Variants in MED12L observed in about 807,000 individuals in gnomAD.
The protein encoded by MED12L is mediator complex subunit 12L.
Under a neutral mutation model 281.3 loss-of-function variants are expected in MED12L, and 60 were observed. The ratio of observed to expected loss-of-function variants is 0.21; its 90% CI spans 0.17 to 0.26. The LOEUF is 0.26. MED12L is among the 10% of genes least tolerant of loss of function. MED12L has a pLI of 1.00. For synonymous variants in MED12L, 974 were observed against 987.2 expected (o/e 0.99, Z 0.25); for missense variants, 2,146 against 2,680.9 (o/e 0.80, Z 4.41).
chr3:151,124,980 A>C (rs1271649806), intron 4 of MED12L, among the ~76,000 whole-genome samples: 1 of 151,884 alleles, frequency 6.6e-6, no homozygotes, highest in Non-Finnish European at 1.5e-5. Flanking sequence ...ATCCAAGGAG[A>C]AAGGTGATAG....
At chr3:151,160,935 C>T (rs1364686253) in intron 8 of MED12L, among the ~76,000 whole-genome samples, 1 of 152,194 alleles carries the variant, frequency 6.6e-6, no homozygotes, top group Non-Finnish European at 1.5e-5. Context: ...GTAAAAGTTT[C>T]CTGGCAGGGG....
chr3:151,417,334 A>G (rs954110009), intron 43 of MED12L, among the ~76,000 whole-genome samples: 1 of 152,136 alleles, frequency 6.6e-6, no homozygotes, highest in Non-Finnish European at 1.5e-5. Context: ...TAGAGATAGT[A>G]CATGTGGAGG....
intron 2 of MED12L, among the ~76,000 whole-genome samples, chr3:151,095,642 G>T (rs1002023759): frequency 6.6e-6 from 1 of 152,220 alleles, no homozygotes; most frequent in African/African-American, 2.4e-5. Flanking sequence ...CTACCACCGG[G>T]TGTAGTTATA....
chr3:151,430,156 T>G (rs1205454541), intron 43 of MED12L, 143 bp from the exon 44 acceptor site: 7 of 1,212,626 alleles, frequency 5.8e-6, no homozygotes, highest in Non-Finnish European at 7.9e-6. Flanking sequence ...AGATGAAAAT[T>G]AATCCACACA....
chr3:151,305,655 A>G (rs1440323907), intron 16 of MED12L, among the ~76,000 whole-genome samples: 1 of 152,048 alleles, frequency 6.6e-6, no homozygotes, highest in Non-Finnish European at 1.5e-5. Context: ...TATCAAATAC[A>G]ATAGAAACTG....
chr3:151,217,868 T>A (rs1313632759), intron 16 of MED12L, among the ~76,000 whole-genome samples: 2 of 152,112 alleles, frequency 1.3e-5, no homozygotes, highest in African/African-American at 4.8e-5. Flanking sequence ...GCCTTTTCTG[T>A]AGGGCAGATC....
At chr3:151,153,332 C>G (rs769460473) in intron 5 of MED12L, among the ~76,000 whole-genome samples, 1 of 152,160 alleles carries the variant, frequency 6.6e-6, no homozygotes, top group Non-Finnish European at 1.5e-5. Context: ...TCACACCACT[C>G]TCAGTAACAT....
chr3:151,229,473 ATTTTTT>A (rs59434401), intron 16 of MED12L, among the ~76,000 whole-genome samples: 3 of 90,122 alleles, frequency 3.3e-5, no homozygotes, highest in Non-Finnish European at 6.3e-5. Flanking sequence ...TGCCCGGCTA[ATTTTTT>A]TTTTTTTTTT....
chr3:151,346,513 C>A (rs1297190291), intron 16 of MED12L, among the ~76,000 whole-genome samples: 1 of 152,132 alleles, frequency 6.6e-6, no homozygotes, highest in Non-Finnish European at 1.5e-5. Flanking sequence ...ACTTCTTCTC[C>A]TTTGAGGTTC....
At chr3:151,379,519 T>A (rs1711853345) in intron 31 of MED12L, among the ~76,000 whole-genome samples, 1 of 152,220 alleles carries the variant, frequency 6.6e-6, no homozygotes, top group African/African-American at 2.4e-5. Context: ...GCGGGCTATG[T>A]TGGAGCCTGT....
intron 17 of MED12L, among the ~76,000 whole-genome samples, chr3:151,351,558 T>C (rs896316838): frequency 6.6e-5 from 10 of 152,214 alleles, no homozygotes; most frequent in South Asian, 6.2e-4. Context: ...TCTGTTGTTT[T>C]GGTGTTTTCT....
At chr3:151,184,597 C>T (rs1055649476) in intron 11 of MED12L, among the ~76,000 whole-genome samples, 5 of 152,266 alleles carry the variant, frequency 3.3e-5, no homozygotes, top group South Asian at 2.1e-4. Context: ...CCCCTATCCG[C>T]GACTCATGTC....
chr3:151,415,261 A>T (rs1037404021), intron 42 of MED12L, among the ~76,000 whole-genome samples: 2 of 152,160 alleles, frequency 1.3e-5, no homozygotes, highest in Admixed American at 6.5e-5. Context: ...GAGATAAGTG[A>T]TTTGCTTCTA....
At chr3:151,297,994 G>A (rs913479577) in intron 16 of MED12L, among the ~76,000 whole-genome samples, 1 of 151,592 alleles carries the variant, frequency 6.6e-6, no homozygotes, top group Non-Finnish European at 1.5e-5. Flanking sequence ...AAACAATATG[G>A]TAGTAGAGAC....
intron 2 of MED12L, among the ~76,000 whole-genome samples, chr3:151,096,600 A>G (rs926305771): frequency 6.6e-5 from 10 of 152,244 alleles, no homozygotes; most frequent in Admixed American, 1.3e-4. Context: ...GTGGGAAGGG[A>G]GGAAGAAGCC....
rs751934880 is a variant in MED12L at position 151,376,078 on chromosome 3, A to G, written c.3917A>G (p.Lys1306Arg). 1.9e-6 allele frequency: 3 copies of G among 1,610,548 alleles called. No homozygotes were observed. Among genetic ancestry groups the G allele is most frequent in the Non-Finnish European group, 2.5e-6 (3 of 1,178,830 alleles). The change falls in exon 28 of 45, where the codon AAA becomes AGA. Residue 1306 changes from lysine (K) to arginine (R), a missense_variant. Physicochemically the swap from Lys to Arg is conservative, Grantham distance 26. Around this residue, in one of 9 missense-constraint regions of MED12L, gnomAD observed 235 missense variants for 260.3 expected, o/e 0.90. Transcript: ENST00000687756. The stretch of plus-strand genomic sequence containing the variant: ...GAACCTGAAAGATTATGTACAGACA[A>G]AGAACTTATATTGGACCCTGTGCTT... ...LKEPERLCTD[K>R]ELILDPVLSN...
intron 16 of MED12L, among the ~76,000 whole-genome samples, chr3:151,289,565 T>A (rs1743979912): frequency 6.6e-6 from 1 of 152,214 alleles, no homozygotes; most frequent in Non-Finnish European, 1.5e-5. Context: ...ATCTTAAGCA[T>A]TGTATATAGC....
chr3:151,099,406 A>T (rs1028078249), intron 2 of MED12L, among the ~76,000 whole-genome samples: 6 of 152,248 alleles, frequency 3.9e-5, no homozygotes, highest in African/African-American at 1.2e-4. Flanking sequence ...TTGAATACAT[A>T]TTCATTAAAA....
At chr3:151,246,812 C>A (rs1173641574) in intron 16 of MED12L, among the ~76,000 whole-genome samples, 5 of 152,184 alleles carry the variant, frequency 3.3e-5, no homozygotes, top group Non-Finnish European at 7.3e-5. Flanking sequence ...GCAAAAGATA[C>A]TACCATCAGA....
Sources: allele counts gnomAD v4.1 joint callset (sites outside exome capture counted in the v4.1 genomes callset), GRCh38; gene constraint gnomAD v4.1.1; regional missense constraint gnomAD v4.1.1; transcripts MANE v1.5; gene names NCBI Gene and HGNC (gene_info 2026-07-23, HGNC 2026-07-21).